The following GALNT2 variants were observed in gnomAD, a reference collection of about 807,000 sequenced individuals.
The protein encoded by GALNT2 is UDP-GalNAc:polypeptide N-acetylgalactosaminyltransferase 2.
A neutral mutation model predicts 81.4 loss-of-function variants in GALNT2; 31 were observed. That is an observed-to-expected ratio of 0.38 (90% CI 0.29 to 0.51). GALNT2 has a LOEUF of 0.51. Ranked by LOEUF, GALNT2 falls within the 20% of genes least tolerant of loss-of-function variation. The probability of loss-of-function intolerance (pLI) is 0.87; values close to 1 mark genes in which losing one functional copy is unlikely to be tolerated. For synonymous variants in GALNT2, 303 were observed against 287.4 expected, an observed-to-expected ratio of 1.05 and a Z score of -0.55; for missense variants, 629 against 765.7, an observed-to-expected ratio of 0.82 and a Z score of 2.11.
intron 1 of GALNT2, among the ~76,000 whole-genome samples, chr1:230,127,221 G>A (rs899980442): frequency 3.3e-5 from 5 of 151,868 alleles, no homozygotes; most frequent in Admixed American, 3.3e-4. Flanking sequence ...CGCTGGTGCT[G>A]TGTGATAAAC....
chr1:230,058,058 G>A (rs1000344567), exon 1 of GALNT2: 1 of 456,270 alleles, frequency 2.2e-6, no homozygotes, highest in Admixed American at 2.3e-5. Flanking sequence ...CAAGGTGCCC[G>A]TAGCCCCTAT....
chr1:230,203,350 C>T (rs967470154), intron 3 of GALNT2, 60 bp downstream of exon 3: 5 of 1,564,264 alleles, frequency 3.2e-6, no homozygotes, highest in East Asian at 2.3e-5. Flanking sequence ...ACCAGTACGT[C>T]GCTTTCACCT....
chr1:230,236,205 G>T (rs1299303228), intron 4 of GALNT2, 93 bp downstream of exon 4: 1 of 1,414,676 alleles, frequency 7.1e-7, no homozygotes, highest in African/African-American at 1.4e-5. Flanking sequence ...GGGGGCTGCA[G>T]ACAGGGTCTC....
chr1:230,072,174 T>C (rs1571926855), intron 1 of GALNT2, among the ~76,000 whole-genome samples: 1 of 149,914 alleles, frequency 6.7e-6, no homozygotes, highest in South Asian at 2.1e-4. Flanking sequence ...GGAGAGGGGG[T>C]GGGGGAGATT....
At position 230,274,578 on chromosome 1, in the gene GALNT2, G is replaced by A. The variant is rs889320325; in HGVS notation, c.1560+14G>A. ...GACAGCAGACAGGTACGGCTTGCAG[G>A]CACCCGTGGGTGCCCGTGATTAACC... On this transcript the variant is annotated intron_variant, in intron 15 of 15. Coordinates refer to ENST00000366672, the MANE Select transcript of GALNT2 (RefSeq NM_004481.5). 17 of 1,613,074 alleles carry A rather than the reference G, an allele frequency of 1.1e-5. No homozygotes were observed. Among genetic ancestry groups the A allele is most frequent in the African/African-American group, 2.7e-5 (2 of 74,904 alleles).
intron 14 of GALNT2, among the ~76,000 whole-genome samples, chr1:230,268,656 C>T (rs761253542): frequency 1.3e-5 from 2 of 152,194 alleles, no homozygotes; most frequent in Non-Finnish European, 2.9e-5. Flanking sequence ...CCTTAATTAC[C>T]GCACAGCTAG....
In GALNT2 at chr1:230,106,552, T is replaced by G. The variant is rs577446504; in HGVS notation, c.126+39146T>G. Among the ~76,000 whole-genome samples, 35 of 152,236 alleles carry G rather than the reference T, an allele frequency of 2.3e-4. 1 individual carries two copies. Among genetic ancestry groups the G allele is most frequent in the Admixed American group, 7.8e-4 (12 of 15,294 alleles). On this transcript the variant is annotated intron_variant, in intron 1 of 15. Coordinates refer to ENST00000366672, the MANE Select transcript of GALNT2 (RefSeq NM_004481.5). ...TGGAGACTGTTCATTTTATTTTACA[T>G]CAAAGGCTTTTGGAGGTTGAGATGG...
chr1:230,235,900 T>C, intron 3 of GALNT2, 114 bp from the exon 4 acceptor site: 1 of 841,428 alleles, frequency 1.2e-6, no homozygotes, highest in Non-Finnish European at 1.9e-6. Flanking sequence ...AGATAACAAG[T>C]TAATCATAGC....
intron 1 of GALNT2, among the ~76,000 whole-genome samples, chr1:230,112,975 C>T (rs1284507606): frequency 1.3e-5 from 2 of 152,198 alleles, no homozygotes; most frequent in Non-Finnish European, 2.9e-5. Flanking sequence ...GCCTGTTGAG[C>T]GTGGACCAGT....
intron 1 of GALNT2, among the ~76,000 whole-genome samples, chr1:230,165,802 G>A (rs938331203): frequency 3.3e-5 from 5 of 152,270 alleles, no homozygotes; most frequent in African/African-American, 1.2e-4. Context: ...GGCCCTCGGA[G>A]TAGCCAGAGC....
intron 11 of GALNT2, chr1:230,258,627 G>A (rs1665789738): frequency 6.6e-6 from 1 of 152,132 alleles, no homozygotes; most frequent in African/African-American, 2.4e-5. Context: ...TTTAATAGAA[G>A]GCAAAATAAC....
chr1:230,246,703 A>G (rs573787701), intron 8 of GALNT2, among the ~76,000 whole-genome samples: 1 of 152,150 alleles, frequency 6.6e-6, no homozygotes, highest in East Asian at 1.9e-4. Context: ...CCTCTTTCCC[A>G]GCCCAACACC....
In GALNT2 at chr1:230,193,243, G is replaced by C. The variant is rs1180417703; in HGVS notation, c.221-9894G>C. ...CAGTACAGCAGTGAATACCTGTATA[G>C]AATCCTGAAGCCTCCTGCAGCCTGA... On this transcript the variant is annotated intron_variant, in intron 2 of 15. Transcript: ENST00000366672. This position sits in a 1 kb window ranked among gnomAD's most constrained non-coding sequence, Gnocchi z 4.3. Among the ~76,000 whole-genome samples the C allele has an allele frequency of 2.6e-5, 4 of 152,160 alleles. No homozygotes were observed. The East Asian group carries it at 7.7e-4, about 29-fold the overall frequency.
At position 230,262,983 on chromosome 1, in the gene GALNT2, G is replaced by A; in HGVS notation, c.1291G>A (p.Glu431Lys). 1 of 1,614,132 alleles carries A rather than the reference G, an allele frequency of 6.2e-7. No homozygotes were observed. Among genetic ancestry groups the A allele is most frequent in the Non-Finnish European group, 8.5e-7 (1 of 1,179,948 alleles). Residue 431 changes from glutamate (E) to lysine (K), a missense_variant, in exon 13 of 16, where the codon GAA (glutamate) becomes AAA (lysine). By Grantham distance (56) the Glu-to-Lys change is moderately conservative. This residue lies in a region of GALNT2 where 207 missense variants were observed against 225.5 expected (regional missense o/e 0.92). Transcript: ENST00000366672. The part of the protein sequence containing the change: ...LSCKPFKWYL[E>K]NVYPELRVPD... Reference sequence around the variant, plus strand: ...CTGCAAGCCTTTCAAATGGTACCTTGAAAATGTCTATCCAGAGTTAAGGTA... The same window carrying A: ...CTGCAAGCCTTTCAAATGGTACCTTAAAAATGTCTATCCAGAGTTAAGGTA...
intron 1 of GALNT2, among the ~76,000 whole-genome samples, chr1:230,137,086 C>T (rs1661572347): frequency 6.6e-6 from 1 of 152,242 alleles, no homozygotes; most frequent in African/African-American, 2.4e-5. Flanking sequence ...TTTTCATACT[C>T]ATTTCCCTGG....
chr1:230,278,971 C>T (rs35488932), intron 15 of GALNT2, among the ~76,000 whole-genome samples: 8,050 of 152,248 alleles, frequency 0.053, 491 homozygotes, highest in East Asian at 0.31. Flanking sequence ...CATGCAAATT[C>T]CCCTACATCA....
intron 1 of GALNT2, among the ~76,000 whole-genome samples, chr1:230,112,622 A>G (rs974377242): frequency 2.6e-5 from 4 of 152,118 alleles, no homozygotes; most frequent in African/African-American, 7.2e-5. Flanking sequence ...TTCTTTTCCA[A>G]GTGACTTAAA....
chr1:230,181,121 T>C (rs1488328779), intron 2 of GALNT2, among the ~76,000 whole-genome samples: 1 of 152,176 alleles, frequency 6.6e-6, no homozygotes, highest in African/African-American at 2.4e-5. Flanking sequence ...TAGCTAGGAC[T>C]TCCAGCACAG....
intron 1 of GALNT2, among the ~76,000 whole-genome samples, chr1:230,173,519 G>C (rs1662863714): frequency 6.6e-6 from 1 of 152,184 alleles, no homozygotes; most frequent in Non-Finnish European, 1.5e-5. Flanking sequence ...TGCATCCTGG[G>C]AAATCAAAGC....
Sources: allele counts gnomAD v4.1 joint callset (sites outside exome capture counted in the v4.1 genomes callset), GRCh38; gene constraint gnomAD v4.1.1; regional missense constraint gnomAD v4.1.1; non-coding constraint Gnocchi (gnomAD v3.1); transcripts MANE v1.5; gene names NCBI Gene and HGNC (gene_info 2026-07-23, HGNC 2026-07-21).